The following OPRM1 variants were observed in gnomAD, a reference collection of about 807,000 sequenced individuals.
The protein encoded by OPRM1 is opioid receptor mu 1.
Under a neutral mutation model 31.8 loss-of-function variants are expected in OPRM1, and 27 were observed. The ratio of observed to expected loss-of-function variants is 0.85; its 90% CI spans 0.63 to 1.17. The LOEUF (loss-of-function observed/expected upper bound fraction) is 1.17, where lower values mean the gene tolerates loss of function less well. OPRM1 is among the 50% of genes most tolerant of loss of function. OPRM1 has a pLI of 0.00. For missense variants in OPRM1, 536 were observed against 511.1 expected (o/e 1.05, Z -0.47); for synonymous variants, 196 against 189.9 (o/e 1.03, Z -0.26).
chr6:154,029,258 C>T (rs73788961), intron 1 of OPRM1, among the ~76,000 whole-genome samples: 4,383 of 151,692 alleles, frequency 0.029, 201 homozygotes, highest in African/African-American at 0.1. Context: ...AATGTGACAA[C>T]AAATTAAATG....
intron 3 of OPRM1, among the ~76,000 whole-genome samples, chr6:154,166,408 C>T (rs546953403): frequency 9.2e-5 from 14 of 152,302 alleles, no homozygotes; most frequent in African/African-American, 2.9e-4. Context: ...ACATGCTCTC[C>T]GCGGCCTCTA....
At chr6:154,241,455 TA>T in intron 3 of OPRM1, among the ~76,000 whole-genome samples, 1 of 152,276 alleles carries the variant, frequency 6.6e-6, no homozygotes, top group African/African-American at 2.4e-5. Context: ...ACGGTGAATC[TA>T]AATGAAATTC....
At chr6:154,112,344 C>G (rs796290797) in intron 3 of OPRM1, among the ~76,000 whole-genome samples, 4 of 152,268 alleles carry the variant, frequency 2.6e-5, no homozygotes, top group African/African-American at 9.6e-5. Flanking sequence ...CAGAGAAAAC[C>G]ACTTATTACT....
rs1554285084 is a variant in OPRM1 at position 154,152,334 on chromosome 6, A to AGGAAG, written c.1164+60863_1164+60864insGAAGG. On this transcript the variant is annotated intron_variant, in intron 3 of 3. Coordinates refer to the OPRM1 transcript ENST00000337049. ...AAGAAAGAAAGAAAGAAAGAAAGAA[A>AGGAAG]GAAAGAAAGAAAGGAAAGAAAGAAA... 3.4e-4 allele frequency among the ~76,000 whole-genome samples: 9 copies of AGGAAG among 26,652 alleles called. No individual in the cohort carries two copies. In the South Asian group the frequency reaches 4.1e-3, roughly 12 times the overall value. The allele number at this position is 26,652 out of a possible 152,430, so 17.5% of individuals were successfully genotyped here.
At chr6:154,199,824 C>T in intron 3 of OPRM1, 1 of 1,614,174 alleles carries the variant, frequency 6.2e-7, no homozygotes, top group Non-Finnish European at 8.5e-7. Flanking sequence ...ATGCCTGCCT[C>T]TGAGGGTACA....
At position 154,122,915 on chromosome 6, in the gene OPRM1, T is replaced by A. The variant is rs945706698; in HGVS notation, c.*4194T>A. Among the ~76,000 whole-genome samples the A allele has an allele frequency of 6.6e-6, 1 of 152,028 alleles. No individual in the cohort carries two copies. The highest frequency in any genetic ancestry group is 2.4e-5 in the African/African-American group (1 of 41,386). The stretch of plus-strand genomic sequence containing the variant: ...ATTCAGGAGTAAAGTGAAAGTGAAA[T>A]GGGTCAGGATCAATGGTCTCATTGT... On this transcript the variant is annotated 3_prime_UTR_variant, in exon 4 of 4. Coordinates refer to ENST00000330432, the MANE Select transcript of OPRM1 (RefSeq NM_000914.5).
At position 154,121,183 on chromosome 6, in the gene OPRM1, G is replaced by T. The variant is rs1459454282; in HGVS notation, c.*2462G>T. Among the ~76,000 whole-genome samples, 2 of 152,100 alleles carry T rather than the reference G, an allele frequency of 1.3e-5. No homozygotes were observed. The highest frequency in any genetic ancestry group is 2.4e-5 in the African/African-American group (1 of 41,408). ...TAAGGATGAGATTTCTTCCCAGGTT[G>T]GTATCCCAGAAATGCAGACTGTAGC... On this transcript the variant is annotated 3_prime_UTR_variant, in exon 4 of 4. Transcript: ENST00000330432.
At chr6:154,148,138 C>T (rs1798404990) in intron 3 of OPRM1, among the ~76,000 whole-genome samples, 16 of 152,192 alleles carry the variant, frequency 1.1e-4, no homozygotes, top group Admixed American at 1.0e-3. Flanking sequence ...GTGCCCACTG[C>T]CTCACTTCCT....
rs937906502 is a variant in OPRM1 at position 154,039,774 on chromosome 6, A to C, written c.230A>C (p.Tyr77Ser). The C allele has an allele frequency of 2.4e-5, 39 of 1,602,180 alleles. No individual in the cohort carries two copies. Among genetic ancestry groups the C allele is most frequent in the Non-Finnish European group, 3.3e-5 (39 of 1,179,312 alleles). ...MITAITIMALYSIVCVVGLFG... is the reference protein window; with the variant it reads ...MITAITIMALSSIVCVVGLFG... ...ACGGCCATCACGATCATGGCCCTCT[A>C]CTCCATCGTGTGCGTGGTGGGGCTC... The change falls in exon 1 of 4, where the codon TAC becomes TCC. Residue 77 changes from tyrosine (Y) to serine (S), a missense_variant. Physicochemically the swap from Tyr to Ser is moderately radical, Grantham distance 144. Coordinates refer to ENST00000330432, the MANE Select transcript of OPRM1 (RefSeq NM_000914.5).
At chr6:154,207,560 T>G (rs926455175) in intron 3 of OPRM1, among the ~76,000 whole-genome samples, 2 of 147,966 alleles carry the variant, frequency 1.4e-5, no homozygotes, top group East Asian at 2.4e-4. Flanking sequence ...CTTTTTGGGG[T>G]TTTTTTTGTT....
chr6:154,041,374 T>C (rs551844922), intron 1 of OPRM1, among the ~76,000 whole-genome samples: 20 of 152,280 alleles, frequency 1.3e-4, no homozygotes, highest in South Asian at 2.1e-4. Flanking sequence ...ATGATTCACA[T>C]TGAAGATTAA....
At chr6:154,134,901 T>C (rs1798017241), downstream of OPRM1, among the ~76,000 whole-genome samples, 1 of 152,086 alleles carries the variant, frequency 6.6e-6, no homozygotes, top group Non-Finnish European at 1.5e-5. Flanking sequence ...CAAAAATAGC[T>C]GACAGAAACT....
intron 1 of OPRM1, among the ~76,000 whole-genome samples, chr6:154,055,406 C>CCA (rs1554260724): frequency 2.2e-5 from 3 of 135,478 alleles, no homozygotes; most frequent in African/African-American, 8.7e-5. Flanking sequence ...AATGAATAAA[C>CCA]AAAAAAAAAA....
intron 3 of OPRM1, among the ~76,000 whole-genome samples, chr6:154,107,158 G>A (rs768869929): frequency 6.6e-6 from 1 of 152,192 alleles, no homozygotes; most frequent in Non-Finnish European, 1.5e-5. Flanking sequence ...TGACTGGCTT[G>A]AGGATGGAGT....
intron 3 of OPRM1, among the ~76,000 whole-genome samples, chr6:154,243,517 G>C (rs1216467398): frequency 6.6e-6 from 1 of 152,202 alleles, no homozygotes. Flanking sequence ...AAACAGAAGA[G>C]AGGTGAGGCT....
intron 3 of OPRM1, among the ~76,000 whole-genome samples, chr6:154,244,790 A>G (rs1780898159): frequency 6.6e-6 from 1 of 152,220 alleles, no homozygotes; most frequent in African/African-American, 2.4e-5. Flanking sequence ...TATTTGCTAA[A>G]TAATTTGATT....
chr6:154,073,368 T>C (rs1353294284), intron 1 of OPRM1: 1 of 152,168 alleles, frequency 6.6e-6, no homozygotes, highest in Non-Finnish European at 1.5e-5. Context: ...AGCACTTCTC[T>C]ACAGGATTAG....
At chr6:154,177,446 AAAAC>A (rs1224959863) in intron 3 of OPRM1, among the ~76,000 whole-genome samples, 5 of 152,228 alleles carry the variant, frequency 3.3e-5, no homozygotes, top group African/African-American at 7.2e-5. Context: ...TTATAAGAAA[AAAAC>A]AAACAACCCC....
chr6:154,069,083 T>G (rs2128449629), intron 1 of OPRM1, among the ~76,000 whole-genome samples: 2 of 152,348 alleles, frequency 1.3e-5, no homozygotes, highest in Middle Eastern at 6.8e-3. Context: ...TGTAAGAGCT[T>G]CTTATGTATT....
Sources: allele counts gnomAD v4.1 joint callset (sites outside exome capture counted in the v4.1 genomes callset), GRCh38; gene constraint gnomAD v4.1.1; transcripts MANE v1.5; gene names NCBI Gene and HGNC (gene_info 2026-07-23, HGNC 2026-07-21).